Variants in DNAJC5G observed in about 807,000 individuals in gnomAD.
DNAJC5G encodes the protein dnaJ homolog subfamily C member 5G.
Under a neutral mutation model 19.1 loss-of-function variants are expected in DNAJC5G, and 13 were observed. The observed-to-expected ratio is 0.68, with a 90% confidence interval of 0.44 to 1.08. The LOEUF (loss-of-function observed/expected upper bound fraction) is 1.08, where lower values mean the gene tolerates loss of function less well. Ranked by LOEUF, DNAJC5G falls within the 50% of genes least tolerant of loss-of-function variation. The probability of loss-of-function intolerance (pLI) is 0.00; values close to 1 mark genes in which losing one functional copy is unlikely to be tolerated. For missense variants in DNAJC5G, 245 were observed against 230.4 expected, an observed-to-expected ratio of 1.06 and a Z score of -0.41; for synonymous variants, 81 against 84.4, an observed-to-expected ratio of 0.96 and a Z score of 0.22.
In DNAJC5G at chr2:27,275,497, A is replaced by G; in HGVS notation, c.-342A>G. On this transcript the variant is annotated 5_prime_UTR_variant, in exon 1 of 7. Coordinates refer to ENST00000296097, the MANE Select transcript of DNAJC5G (RefSeq NM_173650.3). ...CAACTGCTGGACCCGGCCGGTGTGAAGTTTCACACCCAAAAGGATGAAGGG... is the reference window on the plus strand; with the variant it reads ...CAACTGCTGGACCCGGCCGGTGTGAGGTTTCACACCCAAAAGGATGAAGGG... The G allele has an allele frequency of 6.0e-6, 2 of 334,470 alleles. No individual in the cohort carries two copies. The highest frequency in any genetic ancestry group is 1.2e-5 in the Non-Finnish European group (2 of 169,546). 20.7% of individuals were successfully genotyped at this position (334,470 alleles called of 1,614,324 possible).
chr2:27,277,249 C>CGTTTGTTT (rs370986157), intron 3 of DNAJC5G, among the ~76,000 whole-genome samples: 4,835 of 147,924 alleles, frequency 0.033, 265 homozygotes, highest in African/African-American at 0.11. Flanking sequence ...GCCTACGACC[C>CGTTTGTTT]GTTTGTTTGT....
At position 27,278,211 on chromosome 2, in the gene DNAJC5G, GC is replaced by G. The variant is rs778946041; in HGVS notation, c.400del (p.Leu134SerfsTer59). 6.2e-7 allele frequency: 1 copy of G among 1,614,170 alleles called. No homozygotes were observed. Among genetic ancestry groups the G allele is most frequent in the Non-Finnish European group, 8.5e-7 (1 of 1,180,028 alleles). On this transcript the variant is annotated frameshift_variant, in exon 5 of 7. Transcript: ENST00000296097. LOFTEE classifies it high-confidence loss of function. Reference protein sequence around the residue: ...FKTLVILCTLLTCCCFCCCCC... With the variant: ...FKTLVILCTLXTCCCFCCCCC... ...AGACACTTGTCATCCTGTGTACTCTGCTCACTTGTTGCTGTTTCTGTTGTTG... is the reference window on the plus strand; with the variant it reads ...AGACACTTGTCATCCTGTGTACTCTGTCACTTGTTGCTGTTTCTGTTGTTG...
chr2:27,279,004 C>CAA (rs1227842823), intron 5 of DNAJC5G, among the ~76,000 whole-genome samples: 11 of 56,792 alleles, frequency 1.9e-4, no homozygotes, highest in African/African-American at 5.4e-4. Flanking sequence ...GACTCCATCT[C>CAA]AAAAAAAAAA....
intron 5 of DNAJC5G, 100 bp from the exon 6 acceptor site, chr2:27,280,066 A>G: frequency 9.2e-7 from 1 of 1,086,130 alleles, no homozygotes. Context: ...CCACCTGGTG[A>G]TGCTAATGAG....
chr2:27,276,575 A>G lies in DNAJC5G; in HGVS notation c.-3-151A>G, dbSNP rs1678086379. 14 of 604,372 alleles carry G rather than the reference A, an allele frequency of 2.3e-5. No homozygotes were observed. In the South Asian group the frequency reaches 3.0e-4, roughly 13 times the overall value. 37.4% of individuals were successfully genotyped at this position (604,372 alleles called of 1,614,324 possible). ...CACCTGAATTCTCCTGCTAGCCACA[A>G]ATCCCACTCACTCTTATCTTATCCT... On this transcript the variant is annotated intron_variant, in intron 2 of 6. Coordinates refer to ENST00000296097, the MANE Select transcript of DNAJC5G (RefSeq NM_173650.3).
In DNAJC5G at chr2:27,280,471, G is replaced by A. The variant is rs571209790; in HGVS notation, c.*61G>A. ...GTGCCTTCTGCTGCCCAGTCCCCTG[G>A]ACACATTGAAGAGAGGAGCAAGTAG... On this transcript the variant is annotated 3_prime_UTR_variant, in exon 7 of 7. Transcript: ENST00000296097. The A allele has an allele frequency of 9.1e-6, 4 of 439,544 alleles. No homozygotes were observed. The highest frequency in any genetic ancestry group is 7.9e-5 in the African/African-American group (4 of 50,698). 27.2% of individuals were successfully genotyped at this position (439,544 alleles called of 1,614,324 possible).
intron 5 of DNAJC5G, among the ~76,000 whole-genome samples, chr2:27,279,595 C>T (rs1678274851): frequency 1.3e-5 from 2 of 151,970 alleles, no homozygotes; most frequent in Admixed American, 6.6e-5. Context: ...CTGTGCCTGG[C>T]GGGATGCAAT....
In DNAJC5G at chr2:27,281,058, G is replaced by C. The variant is rs1420440111; in HGVS notation, c.*648G>C. 1 of 152,352 alleles carries C rather than the reference G, an allele frequency of 6.6e-6. No homozygotes were observed. The highest frequency in any genetic ancestry group is 1.5e-5 in the Non-Finnish European group (1 of 68,038). The allele number at this position is 152,352 out of a possible 1,614,324, so 9.4% of individuals were successfully genotyped here. A position where few individuals can be genotyped will look rare whatever the true frequency, so the allele number is the denominator to read the frequency against. On this transcript the variant is annotated 3_prime_UTR_variant, in exon 7 of 7. Transcript: ENST00000296097. Reference sequence around the variant, plus strand: ...AAACTGCGAGTGCATTTGAGGCTTAGGGGTAGTCATTCCATCTTTAGATTA... The same window carrying C: ...AAACTGCGAGTGCATTTGAGGCTTACGGGTAGTCATTCCATCTTTAGATTA...
chr2:27,279,493 C>A (rs372389349), intron 5 of DNAJC5G, among the ~76,000 whole-genome samples: 1 of 152,072 alleles, frequency 6.6e-6, no homozygotes, highest in Non-Finnish European at 1.5e-5. Flanking sequence ...GTCAGGGTTT[C>A]GCCATGTTGG....
rs1030501337 is a variant in DNAJC5G, at chr2:27,280,053, G to C, written c.521-113G>C. 16 of 953,610 alleles carry C rather than the reference G, an allele frequency of 1.7e-5. No individual in the cohort carries two copies. In the Admixed American group the frequency reaches 2.8e-4, roughly 17 times the overall value. The allele number at this position is 953,610 out of a possible 1,614,324, so 59.1% of individuals were successfully genotyped here. On this transcript the variant is annotated intron_variant, in intron 5 of 6. Coordinates refer to ENST00000296097, the MANE Select transcript of DNAJC5G (RefSeq NM_173650.3). ...TATAAGCTGATTGAACTTGACACCA[G>C]CGCCACCTGGTGATGCTAATGAGTA...
chr2:27,276,972 C>T (rs1678118795), intron 3 of DNAJC5G, 131 bp downstream of exon 3: 1 of 749,270 alleles, frequency 1.3e-6, no homozygotes, highest in Non-Finnish European at 2.1e-6. Flanking sequence ...TGTCACAGAG[C>T]AGAGACAGAG....
chr2:27,278,140 G>T, intron 4 of DNAJC5G, 48 bp from the exon 5 acceptor site: 1 of 1,613,808 alleles, frequency 6.2e-7, no homozygotes. Flanking sequence ...AGCTTGAGCA[G>T]TCATATAGAA....
chr2:27,278,232 T>G lies in DNAJC5G; in HGVS notation c.420T>G (p.Cys140Trp), dbSNP rs2148176716. 6.2e-7 allele frequency: 1 copy of G among 1,614,176 alleles called. No homozygotes were observed. The highest frequency in any genetic ancestry group is 2.2e-5 in the East Asian group (1 of 44,888). ...LCTLLTCCCF[C>W]CCCCFCCGAL... ...CTCTGCTCACTTGTTGCTGTTTCTG[T>G]TGTTGCTGCTGTTTTTGCTGTGGAG... is the stretch of plus-strand genomic sequence containing the variant. The change falls in exon 5 of 7, where the codon TGT (cysteine) becomes TGG (tryptophan). Residue 140 changes from cysteine to tryptophan, a missense_variant. Physicochemically the swap from Cys to Trp is radical, Grantham distance 215. Coordinates refer to ENST00000296097, the MANE Select transcript of DNAJC5G (RefSeq NM_173650.3).
chr2:27,279,313 G>A (rs1221171022), intron 5 of DNAJC5G, among the ~76,000 whole-genome samples: 1 of 129,572 alleles, frequency 7.7e-6, no homozygotes, highest in Non-Finnish European at 1.6e-5. Flanking sequence ...TGGTGGTGGT[G>A]GTGTTGAGAT....
At position 27,280,489 on chromosome 2, in the gene DNAJC5G, G is replaced by T; in HGVS notation, c.*79G>T. 2.6e-6 allele frequency: 1 copy of T among 390,510 alleles called. No individual in the cohort carries two copies. Among genetic ancestry groups the T allele is most frequent in the Non-Finnish European group, 4.8e-6 (1 of 208,494 alleles). The allele number at this position is 390,510 out of a possible 1,614,324, so 24.2% of individuals were successfully genotyped here. A position where few individuals can be genotyped will look rare whatever the true frequency, so the allele number is the denominator to read the frequency against. On this transcript the variant is annotated 3_prime_UTR_variant, in exon 7 of 7. Transcript: ENST00000296097. Reference sequence around the variant, plus strand: ...TCCCCTGGACACATTGAAGAGAGGAGCAAGTAGCCCTGTCCTGACATTGAC... The same window carrying T: ...TCCCCTGGACACATTGAAGAGAGGATCAAGTAGCCCTGTCCTGACATTGAC...
chr2:27,278,683 CAAAAAAAAAAA>C (rs1180058010), intron 5 of DNAJC5G, among the ~76,000 whole-genome samples: 1 of 26,738 alleles, frequency 3.7e-5, no homozygotes, highest in East Asian at 1.1e-3. Context: ...GACTCCATCT[CAAAAAAAAAAA>C]AAAAAAAAAA....
chr2:27,278,275 G>A lies in DNAJC5G; in HGVS notation c.463G>A (p.Glu155Lys), dbSNP rs765397947. The change falls in exon 5 of 7, where the codon GAG becomes AAG. Residue 155 changes from glutamate (E) to lysine (K), a missense_variant. Physicochemically the swap from Glu to Lys is moderately conservative, Grantham distance 56. Coordinates refer to ENST00000296097, the MANE Select transcript of DNAJC5G (RefSeq NM_173650.3). ...CTGTGGAGCACTTAAACCACCACCT[G>A]AGCAGGATAGTGGGAGAAAATATCA... ...FCCGALKPPP[E>K]QDSGRKYQQN... The A allele has an allele frequency of 6.2e-6, 10 of 1,614,070 alleles. No homozygotes were observed. Among genetic ancestry groups the A allele is most frequent in the Middle Eastern group, 1.6e-4 (1 of 6,084 alleles).
At position 27,280,150 on chromosome 2, in the gene DNAJC5G, T is replaced by A; in HGVS notation, c.521-16T>A. On this transcript the variant is annotated splice_polypyrimidine_tract_variant and intron_variant, in intron 5 of 6. Coordinates refer to ENST00000296097, the MANE Select transcript of DNAJC5G (RefSeq NM_173650.3). ...AAACGTTTGTATATGTAAACATATA[T>A]ATAATTCCATCATAGGAGCCAAATG... 1 of 1,611,874 alleles carries A rather than the reference T, an allele frequency of 6.2e-7. No homozygotes were observed. Among genetic ancestry groups the A allele is most frequent in the Non-Finnish European group, 8.5e-7 (1 of 1,178,166 alleles).
intron 5 of DNAJC5G, 123 bp from the exon 6 acceptor site, chr2:27,280,043 C>A: frequency 1.1e-6 from 1 of 877,648 alleles, no homozygotes; most frequent in South Asian, 1.5e-5. Context: ...GCTGATTGAA[C>A]TTGACACCAG....
Sources: gnomAD v4.1 joint callset for allele counts (sites outside exome capture counted in the v4.1 genomes callset) on GRCh38, gnomAD v4.1.1 for gene constraint, MANE v1.5 for transcripts, NCBI Gene and HGNC (gene_info 2026-07-23, HGNC 2026-07-21) for gene names.